Variants in VBP1 observed in about 807,000 individuals in gnomAD.
VBP1 encodes the protein prefoldin subunit 3.
Under a neutral mutation model 15.5 loss-of-function variants are expected in VBP1, and 4 were observed. The ratio of observed to expected loss-of-function variants is 0.26; its 90% CI spans 0.13 to 0.59. The LOEUF (loss-of-function observed/expected upper bound fraction) is 0.59, where lower values mean the gene tolerates loss of function less well. VBP1 is among the 20% of genes least tolerant of loss of function. VBP1 has a pLI of 0.90. For missense variants in VBP1, 108 were observed against 139.6 expected, an observed-to-expected ratio of 0.77 and a Z score of 1.14; for synonymous variants, 61 against 52.1, an observed-to-expected ratio of 1.17 and a Z score of -0.74.
At chrX:155,238,522 A>C (rs1569561006) in intron 5 of VBP1, among the ~76,000 whole-genome samples, 1 of 112,438 alleles carries the variant, frequency 8.9e-6, no homozygotes, top group Non-Finnish European at 1.9e-5. Flanking sequence ...ACTAGCTGAC[A>C]GTTGACTAAT....
At chrX:155,206,113 G>A (rs1398268694) in intron 1 of VBP1, among the ~76,000 whole-genome samples, 2 of 112,059 alleles carry the variant, frequency 1.8e-5, no homozygotes, top group African/African-American at 6.5e-5. Context: ...AAATAAATAA[G>A]GTGACAAGTG....
At chrX:155,203,117 C>T (rs2124039023) in intron 1 of VBP1, among the ~76,000 whole-genome samples, 1 of 111,717 alleles carries the variant, frequency 9.0e-6, no homozygotes, top group Non-Finnish European at 1.9e-5. Flanking sequence ...ACAACTGGTG[C>T]TGGAGAGGAT....
intron 4 of VBP1, among the ~76,000 whole-genome samples, chrX:155,234,066 T>G (rs936967150): frequency 3.8e-5 from 4 of 105,451 alleles, no homozygotes; most frequent in African/African-American, 1.4e-4. Flanking sequence ...TTACCTCCAA[T>G]TCAAATTCAG....
intron 4 of VBP1, among the ~76,000 whole-genome samples, chrX:155,233,723 C>T (rs1042729348): frequency 3.6e-5 from 4 of 111,530 alleles, no homozygotes; most frequent in Admixed American, 9.5e-5. Context: ...GTTACCTTTG[C>T]GGTGGGGGTG....
chrX:155,238,446 G>A (rs1557311837), intron 5 of VBP1, among the ~76,000 whole-genome samples: 1 of 111,979 alleles, frequency 8.9e-6, no homozygotes, highest in East Asian at 2.8e-4. Flanking sequence ...AGATTTCTTG[G>A]ATGAGGGACT....
At chrX:155,209,937 A>G (rs1454501021) in intron 2 of VBP1, among the ~76,000 whole-genome samples, 2 of 112,350 alleles carry the variant, frequency 1.8e-5, no homozygotes, top group African/African-American at 6.5e-5. Flanking sequence ...ATTCAGATTC[A>G]GAAGTGAATA....
chrX:155,217,484 A>G (rs782360870), intron 1 of VBP1, among the ~76,000 whole-genome samples: 5 of 112,506 alleles, frequency 4.4e-5, no homozygotes, highest in African/African-American at 1.6e-4. Context: ...AAGTTTCTCA[A>G]TCTTTTGGTT....
In VBP1 at chrX:155,228,429, C is replaced by G. The variant is rs1000821034; in HGVS notation, c.331C>G (p.Leu111Val). Residue 111 changes from leucine to valine, a missense_variant, in exon 4 of 6, where the codon CTG becomes GTG. Physicochemically the swap from Leu to Val is conservative, Grantham distance 32. Coordinates refer to ENST00000286428, the MANE Select transcript of VBP1 (RefSeq NM_003372.7). ...METRFLLADNLYCKASVPPTD... is the reference protein window; with the variant it reads ...METRFLLADNVYCKASVPPTD... ...GACCAGATTCTTGCTGGCAGATAAC[C>G]TGTATTGCAAAGCTTCAGTTCCTCC... 4 of 1,209,752 alleles carry G rather than the reference C, an allele frequency of 3.3e-6. No homozygotes were observed. The highest frequency in any genetic ancestry group is 3.4e-6 in the Non-Finnish European group (3 of 894,681).
Position 155,227,215 on chromosome X carries a change from A to C in VBP1, c.219-20A>C. 1 of 1,182,889 alleles carries C rather than the reference A, an allele frequency of 8.5e-7. No homozygotes were observed. Among genetic ancestry groups the C allele is most frequent in the Non-Finnish European group, 1.1e-6 (1 of 879,653 alleles). The stretch of plus-strand genomic sequence containing the variant: ...ATTTTTGCCTGCAAAATACTAAGTT[A>C]CTCTTTTTCTTGTTCACAGGCTAAA... On this transcript the variant is annotated intron_variant, in intron 2 of 5. Transcript: ENST00000286428.
At chrX:155,228,290 A>C in intron 3 of VBP1, 94 bp from the exon 4 acceptor site, 1 of 665,840 alleles carries the variant, frequency 1.5e-6, no homozygotes, top group Non-Finnish European at 2.3e-6. Context: ...TACTGTTTTA[A>C]ATGTCCTAGG....
rs1557310346 is a variant in VBP1 at position 155,227,298 on chromosome X, A to G, written c.282A>G (p.Lys94=). The G allele has an allele frequency of 2.6e-6, 3 of 1,165,046 alleles. No homozygotes were observed. Among genetic ancestry groups the G allele is most frequent in the African/African-American group, 3.7e-5 (2 of 54,726 alleles). Residue 94 remains lysine, a synonymous_variant, in exon 3 of 6, where the codon AAA becomes AAG. Transcript: ENST00000286428. The stretch of plus-strand genomic sequence containing the variant: ...AAATTCTAAAATACATGCAGAAGAA[A>G]AAAGTAAGTGCATTTTTGTTTGTAA... ...TLEILKYMQK[K]KESTNSMETR... is the part of the protein sequence containing the mutation.
intron 3 of VBP1, 70 bp from the exon 4 acceptor site, chrX:155,228,314 T>A: frequency 1.2e-6 from 1 of 834,408 alleles, no homozygotes; most frequent in Non-Finnish European, 1.7e-6. Flanking sequence ...AACTGTGCAA[T>A]CTCTCCTTTA....
intron 1 of VBP1, among the ~76,000 whole-genome samples, chrX:155,198,324 T>C (rs9969939): frequency 0.017 from 1,918 of 111,944 alleles, 57 homozygotes; most frequent in African/African-American, 0.059. Context: ...GGGTCCCTGA[T>C]CCCTGACCCC....
intron 1 of VBP1, among the ~76,000 whole-genome samples, chrX:155,203,347 C>G (rs1465659869): frequency 9.0e-6 from 1 of 110,762 alleles, no homozygotes; most frequent in African/African-American, 3.3e-5. Flanking sequence ...ATAGCGAAGA[C>G]TTGGAACCAA....
At chrX:155,221,058 C>T (rs782488539) in intron 2 of VBP1, among the ~76,000 whole-genome samples, 9 of 109,774 alleles carry the variant, frequency 8.2e-5, no homozygotes, top group Non-Finnish European at 1.3e-4. Flanking sequence ...AGGCTGGGCC[C>T]GGCGGCTCGC....
intron 1 of VBP1, among the ~76,000 whole-genome samples, chrX:155,198,104 A>C (rs1246336680): frequency 8.9e-6 from 1 of 112,780 alleles, no homozygotes; most frequent in African/African-American, 3.2e-5. Context: ...CAAAGCAGCC[A>C]GGAAGCTCGA....
chrX:155,209,411 C>G (rs782309186), intron 2 of VBP1, among the ~76,000 whole-genome samples: 1 of 112,031 alleles, frequency 8.9e-6, no homozygotes, highest in Admixed American at 9.5e-5. Context: ...CAGATAAACA[C>G]AGACACAGAG....
chrX:155,236,025 A>T (rs1273043823), intron 4 of VBP1, among the ~76,000 whole-genome samples: 1 of 112,401 alleles, frequency 8.9e-6, no homozygotes, highest in African/African-American at 3.2e-5. Flanking sequence ...TTTGTAGATC[A>T]CATGGTCTCT....
intron 3 of VBP1, among the ~76,000 whole-genome samples, chrX:155,227,873 G>A (rs1355975484): frequency 8.9e-6 from 1 of 112,433 alleles, no homozygotes; most frequent in Non-Finnish European, 1.9e-5. Flanking sequence ...TAAGCATATT[G>A]TATTTAAAAG....
Sources: allele counts gnomAD v4.1 joint callset (sites outside exome capture counted in the v4.1 genomes callset), GRCh38; gene constraint gnomAD v4.1.1; transcripts MANE v1.5; gene names NCBI Gene and HGNC (gene_info 2026-07-23, HGNC 2026-07-21).